Variants in AFAP1 observed in about 807,000 individuals in gnomAD.
The protein encoded by AFAP1 is actin filament associated protein 1, also known as actin filament-associated protein 1.
AFAP1 carries 75 observed loss-of-function variants against 93.9 expected under a neutral mutation model. The observed-to-expected ratio is 0.80, with a 90% confidence interval of 0.66 to 0.97. The LOEUF (loss-of-function observed/expected upper bound fraction) is 0.97, where lower values mean the gene tolerates loss of function less well. Ranked by LOEUF, AFAP1 falls within the 50% of genes least tolerant of loss-of-function variation. The probability of loss-of-function intolerance (pLI) is 0.00; values close to 1 mark genes in which losing one functional copy is unlikely to be tolerated. For missense variants in AFAP1, 1,201 were observed against 1,050.8 expected, an observed-to-expected ratio of 1.14 and a Z score of -1.98; for synonymous variants, 517 against 430.7, an observed-to-expected ratio of 1.20 and a Z score of -2.48.
At chr4:7,899,162 G>A (rs1025797608) in intron 1 of AFAP1, among the ~76,000 whole-genome samples, 1 of 151,890 alleles carries the variant, frequency 6.6e-6, no homozygotes, top group Non-Finnish European at 1.5e-5. Flanking sequence ...CATTGGTATG[G>A]AACATGCTGC....
At position 7,760,796 on chromosome 4, in the gene AFAP1, G is replaced by C. The variant is rs748323761; in HGVS notation, c.*2969C>G. The C allele has an allele frequency of 2.6e-5, 4 of 152,288 alleles. No homozygotes were observed. Among genetic ancestry groups the C allele is most frequent in the African/African-American group, 9.6e-5 (4 of 41,474 alleles). The allele number at this position is 152,288 out of a possible 1,614,324, so 9.4% of individuals were successfully genotyped here. A position where few individuals can be genotyped will look rare whatever the true frequency, so the allele number is the denominator to read the frequency against. Reference sequence around the variant, plus strand: ...TAGAATGGAAGGAGCCCTGAGCCCCGCAGGGGTCGGCCCCCTCACCTGACC... The same window carrying C: ...TAGAATGGAAGGAGCCCTGAGCCCCCCAGGGGTCGGCCCCCTCACCTGACC... On this transcript the variant is annotated 3_prime_UTR_variant, in exon 18 of 18. Transcript: ENST00000420658.
In AFAP1 at chr4:7,774,859, C is replaced by T; in HGVS notation, c.1942G>A (p.Ala648Thr). The T allele has an allele frequency of 2.5e-6, 4 of 1,614,208 alleles. No individual in the cohort carries two copies. Among genetic ancestry groups the T allele is most frequent in the Non-Finnish European group, 3.4e-6 (4 of 1,180,036 alleles). Residue 648 changes from alanine (A) to threonine (T), a missense_variant, in exon 15 of 18, where the codon GCC becomes ACC. Transcript: ENST00000420658. ...KYGKNRVEAD[A>T]KRLQTKEEEL... ...TCCTCTTTGGTCTGTAGCCGCTTGG[C>T]ATCTGCTTCTACCCGGTTCTTGCCA...
intron 1 of AFAP1, among the ~76,000 whole-genome samples, chr4:7,919,133 C>T (rs1484311536): frequency 6.6e-6 from 1 of 152,044 alleles, no homozygotes; most frequent in African/African-American, 2.4e-5. Context: ...AACAGGGCTG[C>T]AGATGAGACA....
intron 5 of AFAP1, among the ~76,000 whole-genome samples, chr4:7,841,796 A>C (rs1016520326): frequency 6.6e-6 from 1 of 151,600 alleles, no homozygotes; most frequent in African/African-American, 2.4e-5. Flanking sequence ...TACTCTTAGT[A>C]GTAGGTATTA....
At chr4:7,859,286 G>A (rs970244103) in intron 3 of AFAP1, among the ~76,000 whole-genome samples, 5 of 152,114 alleles carry the variant, frequency 3.3e-5, no homozygotes, top group Non-Finnish European at 7.3e-5. Context: ...GAGTGTGGTG[G>A]TGGGCACCTG....
intron 1 of AFAP1, among the ~76,000 whole-genome samples, chr4:7,892,099 G>A (rs1718505411): frequency 6.6e-6 from 1 of 152,172 alleles, no homozygotes; most frequent in Non-Finnish European, 1.5e-5. Flanking sequence ...TCACTTTATG[G>A]GTGAAGTAAA....
At chr4:7,879,737 T>C (rs1423456468) in intron 1 of AFAP1, among the ~76,000 whole-genome samples, 2 of 148,604 alleles carry the variant, frequency 1.3e-5, no homozygotes, top group South Asian at 4.4e-4. Context: ...GGTCTCTCTC[T>C]GTTGCCCAGG....
intron 4 of AFAP1, among the ~76,000 whole-genome samples, chr4:7,850,567 A>G (rs573409022): frequency 6.6e-6 from 1 of 152,374 alleles, no homozygotes; most frequent in East Asian, 1.9e-4. Context: ...CGCCACTTCC[A>G]TTGCTCTGCA....
chr4:7,862,295 T>A (rs1000960950), intron 3 of AFAP1: 2 of 151,460 alleles, frequency 1.3e-5, no homozygotes, highest in Non-Finnish European at 2.9e-5. Context: ...ATCATGCCAC[T>A]GCACTCCAGC....
chr4:7,908,168 C>A (rs1259586890), intron 1 of AFAP1, among the ~76,000 whole-genome samples: 1 of 151,934 alleles, frequency 6.6e-6, no homozygotes, highest in Non-Finnish European at 1.5e-5. Context: ...GCCGAGATCA[C>A]ACCACTGTAC....
At position 7,860,914 on chromosome 4, in the gene AFAP1, T is replaced by TGCCTCGCCTGCCTCGCTC. The variant is rs1164675355; in HGVS notation, c.226-5358_226-5341dup. ...CACCTTCATGCCTTCCACTGCCGCT[T>TGCCTCGCCTGCCTCGCTC]GCCTCGCCTGCCTCGCTCGCCTCGC... is the stretch of plus-strand genomic sequence containing the variant. On this transcript the variant is annotated intron_variant, in intron 3 of 17. Coordinates refer to ENST00000420658, the MANE Select transcript of AFAP1 (RefSeq NM_001134647.2). Among the ~76,000 whole-genome samples the TGCCTCGCCTGCCTCGCTC allele has an allele frequency of 1.6e-4, 25 of 152,264 alleles. No individual in the cohort carries two copies. In the East Asian group the frequency reaches 3.1e-3, roughly 19 times the overall value.
At chr4:7,779,061 G>C in intron 13 of AFAP1, 185 bp from the exon 14 acceptor site, 1 of 586,856 alleles carries the variant, frequency 1.7e-6, no homozygotes, top group Non-Finnish European at 3.0e-6. Context: ...TGGGATTCTG[G>C]GGAATGGCTA....
chr4:7,784,566 A>AG (rs1186505172), intron 12 of AFAP1, among the ~76,000 whole-genome samples: 1 of 152,204 alleles, frequency 6.6e-6, no homozygotes, highest in Non-Finnish European at 1.5e-5. Flanking sequence ...AGTGATGAGA[A>AG]GATCCCTCTT....
At chr4:7,798,220 T>TCTACTGGCTGGCTCACAGCATTGCAACC (rs1718649750) in intron 10 of AFAP1, among the ~76,000 whole-genome samples, 1 of 136,440 alleles carries the variant, frequency 7.3e-6, no homozygotes, top group African/African-American at 2.8e-5. Context: ...GCACTGCAAC[T>TCTACTGGCTGGCTCACAGCATTGCAACC]CTATTGGCTG....
Position 7,759,061 on chromosome 4 carries a change from G to T in AFAP1, c.*4704C>A, listed in dbSNP as rs1196275595. The T allele has an allele frequency of 2.0e-5, 3 of 152,504 alleles. No homozygotes were observed. Among genetic ancestry groups the T allele is most frequent in the Non-Finnish European group, 4.4e-5 (3 of 68,006 alleles). 9.4% of individuals were successfully genotyped at this position (152,504 alleles called of 1,614,324 possible). ...TTTAGCTTTTAAAAAATACAATAAG[G>T]AAATAATTACATTCTTAATATGAAA... On this transcript the variant is annotated 3_prime_UTR_variant, in exon 18 of 18. Coordinates refer to ENST00000420658, the MANE Select transcript of AFAP1 (RefSeq NM_001134647.2).
intron 6 of AFAP1, among the ~76,000 whole-genome samples, chr4:7,820,678 CAAAGG>C (rs1242693548): frequency 3.9e-5 from 6 of 152,104 alleles, no homozygotes; most frequent in African/African-American, 1.2e-4. Flanking sequence ...AGGAGATGAG[CAAAGG>C]AAGGCGTTTC....
intron 17 of AFAP1, among the ~76,000 whole-genome samples, chr4:7,766,028 C>T (rs16841116): frequency 0.18 from 27,450 of 152,172 alleles, 2,640 homozygotes; most frequent in African/African-American, 0.25. Flanking sequence ...TGCACGTCTC[C>T]GCATGCTGCA....
intron 1 of AFAP1, among the ~76,000 whole-genome samples, chr4:7,884,081 G>A (rs1172696312): frequency 1.3e-4 from 20 of 152,076 alleles, no homozygotes; most frequent in African/African-American, 4.8e-4. Context: ...TCCCACTCAG[G>A]AAAAGTGGTT....
At chr4:7,846,574 T>C (rs1713724904) in intron 4 of AFAP1, among the ~76,000 whole-genome samples, 1 of 152,168 alleles carries the variant, frequency 6.6e-6, no homozygotes, top group Admixed American at 6.5e-5. Flanking sequence ...GTTCAGTAAA[T>C]AATGAAGTAA....
Sources: allele counts gnomAD v4.1 joint callset (sites outside exome capture counted in the v4.1 genomes callset), GRCh38; gene constraint gnomAD v4.1.1; transcripts MANE v1.5; gene names NCBI Gene and HGNC (gene_info 2026-07-23, HGNC 2026-07-21).